DGKB: variants seen among roughly 807,000 people sequenced by gnomAD.
The protein encoded by DGKB is diacylglycerol kinase beta.
DGKB carries 67 observed loss-of-function variants against 114.3 expected under a neutral mutation model. The ratio of observed to expected loss-of-function variants is 0.59; its 90% CI spans 0.48 to 0.72. The LOEUF is 0.72. Ranked by LOEUF, DGKB falls within the 30% of genes least tolerant of loss-of-function variation. The probability of loss-of-function intolerance (pLI) is 0.00; values close to 1 mark genes in which losing one functional copy is unlikely to be tolerated. For missense variants in DGKB, 907 were observed against 975.2 expected (o/e 0.93, Z 0.93); for synonymous variants, 398 against 323.1 (o/e 1.23, Z -2.49).
chr7:14,734,239 C>T (rs1297524966), intron 5 of DGKB, among the ~76,000 whole-genome samples: 2 of 151,818 alleles, frequency 1.3e-5, no homozygotes, highest in Non-Finnish European at 1.5e-5. Flanking sequence ...CGGGGTTTCA[C>T]CATGTTGGCC....
intron 21 of DGKB, among the ~76,000 whole-genome samples, chr7:14,347,795 T>G (rs73263942): frequency 0.033 from 4,956 of 152,168 alleles, 292 homozygotes; most frequent in African/African-American, 0.11. Flanking sequence ...TGTAAGTTTC[T>G]ATGTGAAGTC....
chr7:14,393,838 C>T (rs1821814042), intron 21 of DGKB, among the ~76,000 whole-genome samples: 1 of 152,150 alleles, frequency 6.6e-6, no homozygotes, highest in African/African-American at 2.4e-5. Context: ...AAACCATAAG[C>T]AACCTCTCTG....
chr7:14,381,357 C>T (rs1378278045), intron 21 of DGKB, among the ~76,000 whole-genome samples: 5 of 152,144 alleles, frequency 3.3e-5, no homozygotes, highest in South Asian at 2.1e-4. Context: ...ATTTGAATAA[C>T]GGACTTATTG....
intron 13 of DGKB, among the ~76,000 whole-genome samples, chr7:14,665,172 A>G (rs1251241220): frequency 6.6e-6 from 1 of 152,046 alleles, no homozygotes. Context: ...CTAGGTAATT[A>G]ACCCCTTTGT....
intron 6 of DGKB, among the ~76,000 whole-genome samples, chr7:14,704,671 G>A (rs901294914): frequency 1.2e-4 from 18 of 152,068 alleles, no homozygotes; most frequent in African/African-American, 4.3e-4. Flanking sequence ...CCTGACCCCT[G>A]AGCAGCCTAA....
At chr7:14,153,801 T>A (rs1782576249) in intron 25 of DGKB, among the ~76,000 whole-genome samples, 1 of 151,996 alleles carries the variant, frequency 6.6e-6, no homozygotes, top group Non-Finnish European at 1.5e-5. Context: ...CAGCATGGCA[T>A]CAGGCTTTTC....
chr7:14,428,894 T>A (rs1279581478), intron 21 of DGKB, among the ~76,000 whole-genome samples: 1 of 152,014 alleles, frequency 6.6e-6, no homozygotes, highest in African/African-American at 2.4e-5. Flanking sequence ...AAGCCCCTAT[T>A]TTACTAAGGA....
chr7:14,657,078 G>A (rs150403018), intron 13 of DGKB, among the ~76,000 whole-genome samples: 17 of 151,792 alleles, frequency 1.1e-4, no homozygotes, highest in Non-Finnish European at 2.2e-4. Flanking sequence ...GTCCCTTCCA[G>A]TTTTCTTATG....
At chr7:14,319,463 T>C (rs1807316431) in intron 23 of DGKB, among the ~76,000 whole-genome samples, 1 of 152,176 alleles carries the variant, frequency 6.6e-6, no homozygotes, top group South Asian at 2.1e-4. Context: ...TAACATGTAA[T>C]AGGTTTATTA....
In DGKB at chr7:14,345,296, C is replaced by A; in HGVS notation, c.1926+5G>T. The A allele has an allele frequency of 6.6e-7, 1 of 1,504,184 alleles. No individual in the cohort carries two copies. The highest frequency in any genetic ancestry group is 1.2e-5 in the South Asian group (1 of 80,724). 93.2% of individuals were successfully genotyped at this position (1,504,184 alleles called of 1,614,324 possible). On this transcript the variant is annotated splice_donor_5th_base_variant and intron_variant, in intron 22 of 25. Coordinates refer to ENST00000402815, the MANE Select transcript of DGKB (RefSeq NM_001350709.2). ...ATTACAAAAGAGAATTCATTTTTTT[C>A]TTACTTCTATTTCTACAGATTCATG...
chr7:14,779,851 C>T (rs1402783585), intron 2 of DGKB, among the ~76,000 whole-genome samples: 2 of 152,194 alleles, frequency 1.3e-5, no homozygotes, highest in Admixed American at 6.5e-5. Context: ...AATTCTTCAA[C>T]TCCAGAGTAT....
intron 25 of DGKB, among the ~76,000 whole-genome samples, chr7:14,157,013 C>T (rs79829076): frequency 1.3e-5 from 2 of 152,098 alleles, no homozygotes; most frequent in African/African-American, 2.4e-5. Context: ...AGCATTTTTT[C>T]CTATTAAATA....
chr7:14,910,082 C>A (rs887775112), intron 1 of DGKB, among the ~76,000 whole-genome samples: 3 of 151,734 alleles, frequency 2.0e-5, no homozygotes, highest in Non-Finnish European at 4.4e-5. Context: ...GTGGTTCATG[C>A]CTGTAGTCTC....
intron 20 of DGKB, among the ~76,000 whole-genome samples, chr7:14,535,777 G>A (rs931701226): frequency 4.6e-5 from 7 of 151,878 alleles, no homozygotes; most frequent in East Asian, 1.9e-4. Context: ...TAGTAGAGAC[G>A]GGGTTTCACC....
chr7:14,956,253 G>A (rs1214331731), intron 1 of DGKB, among the ~76,000 whole-genome samples: 2 of 151,830 alleles, frequency 1.3e-5, no homozygotes, highest in African/African-American at 4.8e-5. Flanking sequence ...TTCAAATGCA[G>A]TGCATTTGAA....
intron 1 of DGKB, among the ~76,000 whole-genome samples, chr7:14,961,769 C>T (rs1175696198): frequency 6.6e-6 from 1 of 152,066 alleles, no homozygotes; most frequent in Non-Finnish European, 1.5e-5. Context: ...TCTGAAAGTT[C>T]CTCCTACACA....
At chr7:14,509,624 TC>T (rs1787667856) in intron 20 of DGKB, among the ~76,000 whole-genome samples, 1 of 152,162 alleles carries the variant, frequency 6.6e-6, no homozygotes, top group Non-Finnish European at 1.5e-5. Context: ...CATCGGTTCC[TC>T]CCCCTCTCAT....
At chr7:14,921,940 C>A (rs533395273) in intron 1 of DGKB, among the ~76,000 whole-genome samples, 89 of 152,250 alleles carry the variant, frequency 5.8e-4, no homozygotes, top group African/African-American at 2.1e-3. Flanking sequence ...CCACTGTGTT[C>A]TGATTAGGAG....
intron 23 of DGKB, among the ~76,000 whole-genome samples, chr7:14,195,199 TGAATGAGCCGTTAGTGTGTGTGG>T (rs1784849944): frequency 6.6e-6 from 1 of 152,158 alleles, no homozygotes; most frequent in Non-Finnish European, 1.5e-5. Context: ...GTTTTCTGTG[TGAATGAGCCGTTAGTGTGTGTGG>T]GAATGTTTTC....
Sources: allele counts gnomAD v4.1 joint callset (sites outside exome capture counted in the v4.1 genomes callset), GRCh38; gene constraint gnomAD v4.1.1; transcripts MANE v1.5; gene names NCBI Gene and HGNC (gene_info 2026-07-23, HGNC 2026-07-21).